MARK4: variants seen among roughly 807,000 people sequenced by gnomAD.
The protein encoded by MARK4 is MAP/microtubule affinity-regulating kinase 4.
MARK4 carries 19 observed loss-of-function variants against 81.5 expected under a neutral mutation model. The ratio of observed to expected loss-of-function variants is 0.23; its 90% confidence interval spans 0.16 to 0.34. The LOEUF is 0.34. Among genes scored for constraint, MARK4 ranks in the 10% least tolerant of loss-of-function variants. The pLI, the probability that MARK4 is intolerant of heterozygous loss-of-function variation, is 1.00. For synonymous variants in MARK4, 436 were observed against 439.0 expected, an observed-to-expected ratio of 0.99 and a Z score of 0.08; for missense variants, 772 against 1,058.8, an observed-to-expected ratio of 0.73 and a Z score of 3.76.
intron 8 of MARK4, among the ~76,000 whole-genome samples, chr19:45,274,570 G>T (rs1318753494): frequency 6.6e-6 from 1 of 152,040 alleles, no homozygotes; most frequent in Admixed American, 6.6e-5. Flanking sequence ...GGCAGAGGTT[G>T]TAGTGAGCCG....
At chr19:45,290,347 C>G (rs1568501739) in intron 13 of MARK4, among the ~76,000 whole-genome samples, 9 of 152,254 alleles carry the variant, frequency 5.9e-5, no homozygotes, top group Admixed American at 5.2e-4. Flanking sequence ...CTGGCTGTTA[C>G]CAGCATTCAC....
chr19:45,266,066 G>A (rs78286072), intron 6 of MARK4, among the ~76,000 whole-genome samples, 159 bp from the exon 7 acceptor site: 6 of 151,926 alleles, frequency 3.9e-5, no homozygotes, highest in Non-Finnish European at 7.4e-5. Context: ...CAGGTTCCAC[G>A]GGCACCTCTT....
In MARK4 at chr19:45,298,306, G is replaced by A. The variant is rs1304901957; in HGVS notation, c.1877+352G>A. The stretch of plus-strand genomic sequence containing the variant: ...CTGTGTGTGCGGGCATTGGGAGGGG[G>A]CTCTGTGGATGTGAGGGTCTGTGCG... On this transcript the variant is annotated intron_variant, in intron 15 of 16. Transcript: ENST00000262891. 5 of 1,433,354 alleles carry A rather than the reference G, an allele frequency of 3.5e-6. No individual in the cohort carries two copies. The African/African-American group carries it at 5.6e-5, about 16-fold the overall frequency. 88.8% of individuals were successfully genotyped at this position (1,433,354 alleles called of 1,614,324 possible). A position where few individuals can be genotyped will look rare whatever the true frequency, so the allele number is the denominator to read the frequency against.
In MARK4 at chr19:45,304,440, C is replaced by T. The variant is rs1295459648; in HGVS notation, c.*1730C>T. The T allele has an allele frequency of 6.6e-6, 1 of 152,246 alleles. No homozygotes were observed. Among genetic ancestry groups the T allele is most frequent in the Non-Finnish European group, 1.5e-5 (1 of 68,094 alleles). The allele number at this position is 152,246 out of a possible 1,614,324, so 9.4% of individuals were successfully genotyped here. On this transcript the variant is annotated 3_prime_UTR_variant, in exon 17 of 17. Coordinates refer to ENST00000262891, the MANE Select transcript of MARK4 (RefSeq NM_001199867.2). ...CAGGAGAAAAGGCATGGGAGCTGGA[C>T]AGATTATAGTGGTTGAAGTCTGTGC...
intron 13 of MARK4, among the ~76,000 whole-genome samples, chr19:45,292,230 G>A (rs1970829220): frequency 1.3e-5 from 2 of 152,118 alleles, no homozygotes; most frequent in African/African-American, 4.8e-5. Context: ...TTGAGGCCAG[G>A]AGTTCGAGAC....
At chr19:45,290,894 C>T (rs538063371) in intron 13 of MARK4, among the ~76,000 whole-genome samples, 30 of 152,224 alleles carry the variant, frequency 2.0e-4, no homozygotes, top group South Asian at 1.9e-3. Context: ...GAGGGAACCC[C>T]GTGGGGATGG....
At chr19:45,251,978 C>T (rs1886552646) in intron 1 of MARK4, among the ~76,000 whole-genome samples, 1 of 151,196 alleles carries the variant, frequency 6.6e-6, no homozygotes, top group South Asian at 2.1e-4. Flanking sequence ...CCAGGCCGTC[C>T]GCGTCCGACA....
intron 13 of MARK4, among the ~76,000 whole-genome samples, chr19:45,294,113 C>T (rs902497069): frequency 1.3e-5 from 2 of 152,098 alleles, no homozygotes; most frequent in Non-Finnish European, 2.9e-5. Context: ...CCTCGTTTTC[C>T]CTCAGTGCCC....
In MARK4 at chr19:45,302,910, G is replaced by A; in HGVS notation, c.*200G>A. On this transcript the variant is annotated 3_prime_UTR_variant, in exon 17 of 17. Coordinates refer to ENST00000262891, the MANE Select transcript of MARK4 (RefSeq NM_001199867.2). The surrounding 1 kb of genome is among the most constrained non-coding windows in gnomAD (Gnocchi z 4.9). ...GAAGGATGAGGGGGCTCAGCGGGGG[G>A]AGCTGGCACCTTCCTGGAGCCTCCA... is the stretch of plus-strand genomic sequence containing the variant. 2.4e-6 allele frequency: 2 copies of A among 823,170 alleles called. No homozygotes were observed. The highest frequency in any genetic ancestry group is 2.8e-5 in the East Asian group (1 of 36,172). The allele number at this position is 823,170 out of a possible 1,614,324, so 51.0% of individuals were successfully genotyped here.
In MARK4 at chr19:45,253,236, C is replaced by T. The variant is rs116597952; in HGVS notation, c.51+1597C>T. ...AGATTTATATCTGTCCCTTCCTCAT[C>T]TTGCAGATCCCTCCCTCACAGAGAC... On this transcript the variant is annotated intron_variant, in intron 1 of 16. Transcript: ENST00000262891. Among the ~76,000 whole-genome samples, 1,464 of 151,264 alleles carry T rather than the reference C, an allele frequency of 9.7e-3. 27 individuals carry two copies. Among genetic ancestry groups the T allele is most frequent in the African/African-American group, 0.034 (1,383 of 41,100 alleles).
At chr19:45,273,843 C>T (rs2098052) in intron 8 of MARK4, among the ~76,000 whole-genome samples, 1 of 152,170 alleles carries the variant, frequency 6.6e-6, no homozygotes, top group African/African-American at 2.4e-5. Flanking sequence ...ACCATCAAAG[C>T]GGAACCCTGA....
chr19:45,293,423 C>A (rs1300674732), intron 13 of MARK4, among the ~76,000 whole-genome samples: 1 of 152,074 alleles, frequency 6.6e-6, no homozygotes, highest in African/African-American at 2.4e-5. Context: ...TACTTTGTGC[C>A]AATAAATTTA....
chr19:45,256,419 A>C (rs1970308656), intron 1 of MARK4, among the ~76,000 whole-genome samples: 1 of 152,234 alleles, frequency 6.6e-6, no homozygotes, highest in Admixed American at 6.5e-5. Flanking sequence ...CTTGGGCAAC[A>C]AGAGTGAAAC....
intron 7 of MARK4, among the ~76,000 whole-genome samples, chr19:45,267,179 C>G (rs35617832): frequency 2.0e-5 from 3 of 152,090 alleles, no homozygotes; most frequent in African/African-American, 7.2e-5. Context: ...CTGCCTCAGC[C>G]TCCCGAGTAG....
intron 10 of MARK4, among the ~76,000 whole-genome samples, chr19:45,279,624 G>C (rs1486861934): frequency 6.6e-6 from 1 of 152,170 alleles, no homozygotes; most frequent in Non-Finnish European, 1.5e-5. Context: ...TGAACCATAT[G>C]AAATTGCCAT....
At position 45,265,888 on chromosome 19, in the gene MARK4, G is replaced by T. The variant is rs1169202556; in HGVS notation, c.493-337G>T. On this transcript the variant is annotated intron_variant, in intron 6 of 16. Transcript: ENST00000262891. ...GTTTCTGCCTTGACGCTGCTGTCCT[G>T]AACTCAAGGGCCATAAGCCCTGGTG... 2.4e-4 allele frequency among the ~76,000 whole-genome samples: 37 copies of T among 152,086 alleles called. No individual in the cohort carries two copies. In the South Asian group the frequency reaches 6.8e-3, roughly 28 times the overall value.
chr19:45,295,327 C>G (rs1440840940), intron 14 of MARK4, among the ~76,000 whole-genome samples: 1 of 152,008 alleles, frequency 6.6e-6, no homozygotes, highest in African/African-American at 2.4e-5. Flanking sequence ...CCACTGCACT[C>G]CAGCCTGGGC....
chr19:45,280,360 TC>T lies in MARK4; in HGVS notation c.1007-7del, dbSNP rs765206485. ...TCTGGGAGTCTGAAACTTCTCTCCA[TC>T]CCCCCCTCCCAGAGGTGATGGTGGG... On this transcript the variant is annotated splice_polypyrimidine_tract_variant and intron_variant, in intron 10 of 16. Transcript: ENST00000262891. 3.1e-5 allele frequency: 50 copies of T among 1,603,630 alleles called. No homozygotes were observed. Among genetic ancestry groups the T allele is most frequent in the Non-Finnish European group, 3.3e-5 (39 of 1,172,062 alleles).
In MARK4 at chr19:45,287,583, C is replaced by T; in HGVS notation, c.1413C>T (p.Pro471=). Residue 471 remains proline, a synonymous_variant, in exon 13 of 17, where the codon CCC becomes CCT. Coordinates refer to ENST00000262891, the MANE Select transcript of MARK4 (RefSeq NM_001199867.2). ...TAGSGSRGLP[P]SSPMVSSAHN... is the part of the protein sequence containing the mutation. Reference sequence around the variant, plus strand: ...GGAGTGGGAGTCGAGGGCTGCCCCCCTCCAGCCCCATGGTCAGCAGCGCCC... The same window carrying T: ...GGAGTGGGAGTCGAGGGCTGCCCCCTTCCAGCCCCATGGTCAGCAGCGCCC... 6.3e-7 allele frequency: 1 copy of T among 1,598,110 alleles called. No individual in the cohort carries two copies. The highest frequency in any genetic ancestry group is 8.5e-7 in the Non-Finnish European group (1 of 1,170,052).
Sources: allele counts gnomAD v4.1 joint callset (sites outside exome capture counted in the v4.1 genomes callset), GRCh38; gene constraint gnomAD v4.1.1; non-coding constraint Gnocchi (gnomAD v3.1); transcripts MANE v1.5; gene names NCBI Gene and HGNC (gene_info 2026-07-23, HGNC 2026-07-21).